KCNJ10: variants seen among roughly 807,000 people sequenced by gnomAD.
KCNJ10 encodes potassium inwardly rectifying channel subfamily J member 10.
In KCNJ10, 9 loss-of-function variants were observed where a neutral mutation model predicts 22.2. That is an observed-to-expected ratio of 0.40 (90% CI 0.24 to 0.71). KCNJ10 has a LOEUF of 0.71. Among genes scored for constraint, KCNJ10 ranks in the 30% least tolerant of loss-of-function variants. The pLI is 0.35. For missense variants in KCNJ10, 337 were observed against 482.7 expected (o/e 0.70, Z 2.83); for synonymous variants, 184 against 187.3 (o/e 0.98, Z 0.15).
intron 1 of KCNJ10, among the ~76,000 whole-genome samples, chr1:160,060,646 C>T (rs1649168791): frequency 6.6e-6 from 1 of 152,144 alleles, no homozygotes; most frequent in Admixed American, 6.5e-5. Context: ...CCCCATCCAC[C>T]CTCCCAGGCC....
intron 1 of KCNJ10, among the ~76,000 whole-genome samples, chr1:160,052,897 T>C (rs913635546): frequency 1.3e-5 from 2 of 152,246 alleles, no homozygotes; most frequent in African/African-American, 4.8e-5. Context: ...CCTGAAGTTA[T>C]CAATTTTGCT....
In KCNJ10 at chr1:160,037,512, C is replaced by T. The variant is rs552837285; in HGVS notation, c.*3881G>A. ...ATTTTATTTAGTAGCTTATTTTTAA[C>T]AGACAAAAACAAAACAAATCTTACA... On this transcript the variant is annotated 3_prime_UTR_variant, in exon 2 of 2. Coordinates refer to ENST00000644903, the MANE Select transcript of KCNJ10 (RefSeq NM_002241.5). 11 of 152,260 alleles carry T rather than the reference C, an allele frequency of 7.2e-5. No individual in the cohort carries two copies. The highest frequency in any genetic ancestry group is 7.2e-4 in the Admixed American group (11 of 15,298). The allele number at this position is 152,260 out of a possible 1,614,324, so 9.4% of individuals were successfully genotyped here. A position where few individuals can be genotyped will look rare whatever the true frequency, so the allele number is the denominator to read the frequency against.
chr1:160,055,434 G>A (rs567938232), intron 1 of KCNJ10, among the ~76,000 whole-genome samples: 1 of 152,066 alleles, frequency 6.6e-6, no homozygotes, highest in Non-Finnish European at 1.5e-5. Flanking sequence ...ATGACTGACC[G>A]GTCTGTTCTT....
intron 1 of KCNJ10, among the ~76,000 whole-genome samples, chr1:160,049,787 T>A (rs1648858345): frequency 6.9e-6 from 1 of 144,540 alleles, no homozygotes; most frequent in East Asian, 2.1e-4. Flanking sequence ...TATGATTGAA[T>A]TAAAAGTAGG....
intron 1 of KCNJ10, among the ~76,000 whole-genome samples, chr1:160,056,478 C>G (rs1320557171): frequency 6.6e-6 from 1 of 152,208 alleles, no homozygotes; most frequent in Non-Finnish European, 1.5e-5. Flanking sequence ...AGAACATCCT[C>G]TGCCTGCTCC....
At chr1:160,053,206 G>A (rs1379067194) in intron 1 of KCNJ10, among the ~76,000 whole-genome samples, 3 of 152,042 alleles carry the variant, frequency 2.0e-5, no homozygotes, top group Non-Finnish European at 4.4e-5. Context: ...TCCTCCCCCC[G>A]GCCTCGGTGG....
chr1:160,052,509 C>A lies in KCNJ10; in HGVS notation c.1-9977G>T, dbSNP rs191838949. ...GTATGCAGTAGAGGGGTTTTGAGCA[C>A]TATGTCTCAGCACCTGAGATTAGGC... On this transcript the variant is annotated intron_variant, in intron 1 of 1. Transcript: ENST00000644903. Among the ~76,000 whole-genome samples the A allele has an allele frequency of 3.3e-3, 506 of 152,326 alleles. 2 individuals are homozygous for A. The highest frequency in any genetic ancestry group is 0.027 in the Middle Eastern group (8 of 294).
At chr1:160,047,145 A>G (rs1648760674) in intron 1 of KCNJ10, among the ~76,000 whole-genome samples, 1 of 152,092 alleles carries the variant, frequency 6.6e-6, no homozygotes, top group Non-Finnish European at 1.5e-5. Flanking sequence ...TTTACTTGAG[A>G]GTCATTTGTT....
rs1464594039 is a variant in KCNJ10 at position 160,042,473 on chromosome 1, TA to T, written c.59del (p.Leu20GlnfsTer12). ...TCCGCCGTCGTATCCCTGGGCCCATTAGGGGCCGGCTTTCTGTCTGAGTGGT... is the reference window on the plus strand; with the variant it reads ...TCCGCCGTCGTATCCCTGGGCCCATTGGGGCCGGCTTTCTGTCTGAGTGGT... The part of the protein sequence containing the change: ...SQTTQTESRP[L>X]MGPGIRRRRV... On this transcript the variant is annotated frameshift_variant, in exon 2 of 2. Transcript: ENST00000644903. LOFTEE classifies it high-confidence loss of function. 6.2e-7 allele frequency: 1 copy of T among 1,602,814 alleles called. No individual in the cohort carries two copies. Among genetic ancestry groups the T allele is most frequent in the South Asian group, 1.1e-5 (1 of 90,884 alleles).
chr1:160,063,425 C>G (rs558554158), intron 1 of KCNJ10: 1 of 152,250 alleles, frequency 6.6e-6, no homozygotes, highest in Non-Finnish European at 1.5e-5. Flanking sequence ...GCTCCCCACA[C>G]GGCAAGACAG....
At chr1:160,065,206 C>T (rs952067721) in intron 1 of KCNJ10, among the ~76,000 whole-genome samples, 1 of 152,040 alleles carries the variant, frequency 6.6e-6, no homozygotes, top group Non-Finnish European at 1.5e-5. Context: ...CTTGAGATCT[C>T]CTATAGAATT....
At chr1:160,044,420 T>G (rs908007822) in intron 1 of KCNJ10, among the ~76,000 whole-genome samples, 1 of 152,102 alleles carries the variant, frequency 6.6e-6, no homozygotes, top group Non-Finnish European at 1.5e-5. Flanking sequence ...ATTTTAGAAT[T>G]CACACATTAG....
chr1:160,057,606 G>A (rs966895204), intron 1 of KCNJ10, among the ~76,000 whole-genome samples: 11 of 152,212 alleles, frequency 7.2e-5, no homozygotes, highest in Non-Finnish European at 1.5e-5. Context: ...CCCAGCCTCA[G>A]GAGTATCAGG....
chr1:160,062,107 G>C (rs1047301725), intron 1 of KCNJ10, among the ~76,000 whole-genome samples: 5 of 151,972 alleles, frequency 3.3e-5, no homozygotes, highest in African/African-American at 1.2e-4. Context: ...TGAGCCTAGG[G>C]CCTCTCCCCT....
At chr1:160,052,808 G>A (rs1314001933) in intron 1 of KCNJ10, among the ~76,000 whole-genome samples, 2 of 152,124 alleles carry the variant, frequency 1.3e-5, no homozygotes, top group Non-Finnish European at 2.9e-5. Flanking sequence ...GTTGGTATTA[G>A]TTTCACACTT....
intron 1 of KCNJ10, among the ~76,000 whole-genome samples, chr1:160,061,839 C>A (rs967738785): frequency 2.6e-5 from 4 of 151,594 alleles, no homozygotes; most frequent in African/African-American, 7.3e-5. Flanking sequence ...GTGCTGGGGT[C>A]AGTGTGTTGT....
intron 1 of KCNJ10, among the ~76,000 whole-genome samples, chr1:160,067,100 C>T (rs1348527506): frequency 1.3e-5 from 2 of 152,204 alleles, no homozygotes; most frequent in African/African-American, 4.8e-5. Context: ...CTAGCTCCTG[C>T]TTCTCCAACC....
rs1397547909 is a variant in KCNJ10, at chr1:160,042,398, G to A, written c.135C>T (p.Ala45=). ...GRSNVRMEHI[A]DKRFLYLKDL... ...CCTTGAGGTAGAGGAAGCGCTTGTC[G>A]GCAATGTGCTCCATTCTCACGTTGC... The change falls in exon 2 of 2, where the codon GCC becomes GCT. Residue 45 remains alanine (A), a synonymous_variant. Coordinates refer to ENST00000644903, the MANE Select transcript of KCNJ10 (RefSeq NM_002241.5). 20 of 1,614,024 alleles carry A rather than the reference G, an allele frequency of 1.2e-5. No homozygotes were observed. In the African/African-American group the frequency reaches 1.3e-4, roughly 11 times the overall value.
Position 160,041,844 on chromosome 1 carries a change from C to T in KCNJ10, c.689G>A (p.Arg230Gln), listed in dbSNP as rs200807361. ...THQTKEGENI[R>Q]LNQVNVTFQV... ...GAAAGTCACATTGACCTGGTTGAGC[C>T]GGATGTTCTCCCCTTCCTTGGTTTG... Residue 230 changes from arginine to glutamine, a missense_variant, in exon 2 of 2, where the codon CGG becomes CAG. This residue lies in a region of KCNJ10 where 165 missense variants were observed against 281.5 expected (regional missense o/e 0.59). Coordinates refer to ENST00000644903, the MANE Select transcript of KCNJ10 (RefSeq NM_002241.5). The surrounding 1 kb of genome is among the most constrained non-coding windows in gnomAD (Gnocchi z 4.4). 95 of 1,614,212 alleles carry T rather than the reference C, an allele frequency of 5.9e-5. No homozygotes were observed. The highest frequency in any genetic ancestry group is 6.9e-5 in the Non-Finnish European group (81 of 1,180,038).
Sources: gnomAD v4.1 joint callset for allele counts (sites outside exome capture counted in the v4.1 genomes callset) on GRCh38, gnomAD v4.1.1 for gene constraint, gnomAD v4.1.1 regional missense constraint, Gnocchi (gnomAD v3.1) non-coding constraint, MANE v1.5 for transcripts, NCBI Gene and HGNC (gene_info 2026-07-23, HGNC 2026-07-21) for gene names.